SCLT1: variants seen among roughly 807,000 people sequenced by gnomAD.
SCLT1 encodes sodium channel-associated protein 1.
SCLT1 carries 78 observed loss-of-function variants against 112.8 expected under a neutral mutation model. The observed-to-expected ratio is 0.69, with a 90% CI of 0.58 to 0.83. The LOEUF (loss-of-function observed/expected upper bound fraction) is 0.83, where lower values mean the gene tolerates loss of function less well. SCLT1 is among the 40% of genes least tolerant of loss of function. SCLT1 has a pLI of 0.00. For synonymous variants in SCLT1, 257 were observed against 254.7 expected (o/e 1.01, Z -0.09); for missense variants, 747 against 770.4 (o/e 0.97, Z 0.36).
chr4:128,895,471 C>A (rs1733666832), intron 18 of SCLT1, among the ~76,000 whole-genome samples: 1 of 152,136 alleles, frequency 6.6e-6, no homozygotes, highest in Admixed American at 6.6e-5. Context: ...ACCTCAGGAT[C>A]AGGTTTATAT....
rs148023607 is a variant in SCLT1, at chr4:128,922,028, A to G, written c.1829+14627T>C. Among the ~76,000 whole-genome samples the G allele has an allele frequency of 3.8e-4, 58 of 152,360 alleles. 1 individual carries two copies. The highest frequency in any genetic ancestry group is 1.3e-3 in the African/African-American group (53 of 41,592). On this transcript the variant is annotated intron_variant, in intron 18 of 20. Transcript: ENST00000281142. The stretch of plus-strand genomic sequence containing the variant: ...TTCAAAAGAAAACATACATGCGGCC[A>G]ACAAGCATATGAAAAAATGCCCAAC...
At chr4:128,956,823 C>T (rs1739256526) in intron 13 of SCLT1, among the ~76,000 whole-genome samples, 2 of 151,968 alleles carry the variant, frequency 1.3e-5, no homozygotes, top group Admixed American at 6.6e-5. Flanking sequence ...ATCCCACTAT[C>T]CTACTGGAGA....
chr4:129,025,684 A>C (rs1354678360), intron 5 of SCLT1, among the ~76,000 whole-genome samples: 1 of 152,198 alleles, frequency 6.6e-6, no homozygotes, highest in Non-Finnish European at 1.5e-5. Flanking sequence ...GACAGGATCA[A>C]ATTCACACAT....
At chr4:128,877,312 GGGTAGATCTGGGATTCAATCCCA>G (rs1408395053) in intron 3 of SCLT1, among the ~76,000 whole-genome samples, 1 of 152,114 alleles carries the variant, frequency 6.6e-6, no homozygotes. Flanking sequence ...AGGTCAGTAG[GGGTAGATCTGGGATTCAATCCCA>G]GCCTGTCTGG....
intron 9 of SCLT1, among the ~76,000 whole-genome samples, chr4:128,990,190 A>G (rs1019042241): frequency 2.0e-5 from 3 of 152,056 alleles, no homozygotes; most frequent in African/African-American, 7.2e-5. Context: ...ACACAGATGC[A>G]AAAATCCTCA....
intron 5 of SCLT1, among the ~76,000 whole-genome samples, chr4:129,022,723 C>T (rs1016471814): frequency 6.6e-6 from 1 of 152,212 alleles, no homozygotes; most frequent in Non-Finnish European, 1.5e-5. Flanking sequence ...AAACACTCTT[C>T]AGGATATCAT....
At chr4:128,899,213 C>A (rs1012895494) in intron 18 of SCLT1, among the ~76,000 whole-genome samples, 11 of 152,076 alleles carry the variant, frequency 7.2e-5, no homozygotes, top group Non-Finnish European at 1.3e-4. Context: ...CTGGCAGAGA[C>A]ACAACAAAAA....
intron 2 of SCLT1, among the ~76,000 whole-genome samples, chr4:129,053,638 C>T (rs1231193833): frequency 8.3e-6 from 1 of 120,542 alleles, no homozygotes; most frequent in Non-Finnish European, 1.6e-5. Context: ...TATTTTGAGC[C>T]TGTGTGTGTC....
rs79238031 is a variant in SCLT1, at chr4:128,918,305, C to T, written c.1829+18350G>A. Reference sequence around the variant, plus strand: ...AGGAATACAATAAAATGGTACAGGACATAAAACACAAAATGATCACTCTAA... The same window carrying T: ...AGGAATACAATAAAATGGTACAGGATATAAAACACAAAATGATCACTCTAA... On this transcript the variant is annotated intron_variant, in intron 18 of 20. Coordinates refer to ENST00000281142, the MANE Select transcript of SCLT1 (RefSeq NM_144643.4). Among the ~76,000 whole-genome samples the T allele has an allele frequency of 9.3e-3, 1,411 of 152,152 alleles. 22 individuals carry two copies. Among genetic ancestry groups the T allele is most frequent in the African/African-American group, 0.031 (1,279 of 41,510 alleles).
chr4:128,899,430 A>T (rs1734076519), intron 18 of SCLT1, among the ~76,000 whole-genome samples: 1 of 152,210 alleles, frequency 6.6e-6, no homozygotes, highest in Non-Finnish European at 1.5e-5. Context: ...AAACCATAAG[A>T]TTATCTCAAT....
chr4:129,052,990 G>C (rs1258018609), intron 2 of SCLT1, among the ~76,000 whole-genome samples: 2 of 152,132 alleles, frequency 1.3e-5, no homozygotes, highest in African/African-American at 2.4e-5. Context: ...TATTTACCCA[G>C]TAGTCATTCA....
At chr4:128,884,963 A>T (rs1164684437) in intron 20 of SCLT1, among the ~76,000 whole-genome samples, 1 of 152,180 alleles carries the variant, frequency 6.6e-6, no homozygotes, top group Non-Finnish European at 1.5e-5. Context: ...TTTTAAAATT[A>T]ATTTCTATTT....
At chr4:128,998,741 A>C (rs1230826877) in intron 7 of SCLT1, among the ~76,000 whole-genome samples, 10 of 151,694 alleles carry the variant, frequency 6.6e-5, no homozygotes, top group African/African-American at 2.4e-4. Flanking sequence ...TTTTCAAGCC[A>C]GGGCATGTAA....
chr4:129,092,265 T>C (rs1200965650), intron 1 of SCLT1, among the ~76,000 whole-genome samples: 3 of 152,162 alleles, frequency 2.0e-5, no homozygotes, highest in African/African-American at 4.8e-5. Flanking sequence ...CCTATATAAA[T>C]ATTCCAATTC....
At chr4:128,896,214 G>A (rs1399926483) in intron 18 of SCLT1, among the ~76,000 whole-genome samples, 2 of 152,226 alleles carry the variant, frequency 1.3e-5, no homozygotes, top group South Asian at 2.1e-4. Flanking sequence ...CGCAGCTGGA[G>A]ATCTGAGAAC....
rs770672087 is a variant in SCLT1 at position 128,959,640 on chromosome 4, C to T, written c.1007G>A (p.Ser336Asn). Residue 336 changes from serine to asparagine, a missense_variant, in exon 12 of 21, where the codon AGC (serine) becomes AAC (asparagine). This residue lies in a region of SCLT1 where 723 missense variants were observed against 721.3 expected (regional missense o/e 1.00). Coordinates refer to ENST00000281142, the MANE Select transcript of SCLT1 (RefSeq NM_144643.4). ...GTTAGCTTCTTCTAAGAGTTGCATGCTATTTCTGGCTCTTACAATAGCCTC... is the reference window on the plus strand; with the variant it reads ...GTTAGCTTCTTCTAAGAGTTGCATGTTATTTCTGGCTCTTACAATAGCCTC... Reference protein sequence around the residue: ...RYEAIVRARNSMQLLEEANLQ... With the variant: ...RYEAIVRARNNMQLLEEANLQ... 1.2e-6 allele frequency: 2 copies of T among 1,613,330 alleles called. No individual in the cohort carries two copies. Among genetic ancestry groups the T allele is most frequent in the Admixed American group, 1.7e-5 (1 of 59,986 alleles).
chr4:129,019,543 A>G (rs1172896949), intron 5 of SCLT1, among the ~76,000 whole-genome samples: 3 of 152,186 alleles, frequency 2.0e-5, no homozygotes, highest in African/African-American at 7.2e-5. Context: ...ATAGTGGCAT[A>G]TATGCCACTA....
chr4:128,975,179 C>G (rs2126041315), intron 9 of SCLT1, among the ~76,000 whole-genome samples: 1 of 151,562 alleles, frequency 6.6e-6, no homozygotes, highest in African/African-American at 2.4e-5. Flanking sequence ...GCTGGGACTA[C>G]AGGCGCCCAC....
At position 129,033,880 on chromosome 4, in the gene SCLT1, C is replaced by A. The variant is rs75022728; in HGVS notation, c.290+5161G>T. Among the ~76,000 whole-genome samples the A allele has an allele frequency of 8.0e-3, 1,209 of 152,044 alleles. 13 individuals are homozygous for A. The highest frequency in any genetic ancestry group is 0.028 in the African/African-American group (1,159 of 41,470). On this transcript the variant is annotated intron_variant, in intron 5 of 20. Transcript: ENST00000281142. ...TATAAACCAAGATACATATAGAAAC[C>A]AGGTTAGTTCTGGCTTTTCACGAGA... is the stretch of plus-strand genomic sequence containing the variant.
Sources: allele counts gnomAD v4.1 joint callset (sites outside exome capture counted in the v4.1 genomes callset), GRCh38; gene constraint gnomAD v4.1.1; regional missense constraint gnomAD v4.1.1; transcripts MANE v1.5; gene names NCBI Gene and HGNC (gene_info 2026-07-23, HGNC 2026-07-21).